Variants in RBMS3 observed in about 807,000 individuals in gnomAD.
RBMS3 encodes RNA-binding motif, single-stranded-interacting protein 3.
A neutral mutation model predicts 66.8 loss-of-function variants in RBMS3; 27 were observed. The observed-to-expected ratio is 0.40, with a 90% CI of 0.30 to 0.56. The LOEUF (loss-of-function observed/expected upper bound fraction) is 0.56. Ranked by LOEUF, RBMS3 falls within the 20% of genes least tolerant of loss-of-function variation. RBMS3 has a pLI of 0.40. For synonymous variants in RBMS3, 188 were observed against 183.0 expected (o/e 1.03, Z -0.22); for missense variants, 513 against 549.5 (o/e 0.93, Z 0.66).
chr3:29,355,483 CT>C (rs77047582), intron 1 of RBMS3, among the ~76,000 whole-genome samples: 11,306 of 151,736 alleles, frequency 0.075, 503 homozygotes, highest in African/African-American at 0.12. Flanking sequence ...TTTTTAATAT[CT>C]TTGGAACTTC....
intron 1 of RBMS3, among the ~76,000 whole-genome samples, chr3:29,319,050 G>A (rs186668010): frequency 1.7e-3 from 252 of 152,060 alleles, no homozygotes; most frequent in African/African-American, 5.4e-3. Flanking sequence ...ATACTTCAGC[G>A]TGGCTTCAGC....
At chr3:29,644,197 C>T (rs1481815149) in intron 4 of RBMS3, among the ~76,000 whole-genome samples, 2 of 152,060 alleles carry the variant, frequency 1.3e-5, no homozygotes, top group Non-Finnish European at 2.9e-5. Flanking sequence ...CAAATAGCCT[C>T]TAGCAATCAC....
Position 29,844,823 on chromosome 3 carries a change from T to A in RBMS3, c.638-24035T>A, listed in dbSNP as rs577651903. Among the ~76,000 whole-genome samples the A allele has an allele frequency of 2.8e-4, 43 of 152,372 alleles. 1 individual carries two copies. Among genetic ancestry groups the A allele is most frequent in the African/African-American group, 1.0e-3 (42 of 41,596 alleles). On this transcript the variant is annotated intron_variant, in intron 6 of 14. Transcript: ENST00000383767. ...GGTATTGTATCTGCATTAGTCTAAA[T>A]AAGATAGATCATATTGTGGTAATAA...
At chr3:29,618,234 C>A (rs554564465) in intron 4 of RBMS3, among the ~76,000 whole-genome samples, 17 of 152,214 alleles carry the variant, frequency 1.1e-4, no homozygotes, top group Non-Finnish European at 2.1e-4. Context: ...ATGGCTCAAG[C>A]CTGTAATCCT....
intron 7 of RBMS3, among the ~76,000 whole-genome samples, chr3:29,879,760 C>G (rs1203596554): frequency 6.6e-6 from 1 of 151,700 alleles, no homozygotes; most frequent in Non-Finnish European, 1.5e-5. Context: ...TTTTTGATCC[C>G]CATTTATCTT....
intron 12 of RBMS3, among the ~76,000 whole-genome samples, chr3:29,974,928 G>A (rs1291557178): frequency 2.3e-4 from 29 of 124,814 alleles, no homozygotes; most frequent in Admixed American, 7.7e-4. Context: ...TATAAAATAC[G>A]TTTCTATATT....
chr3:29,358,753 G>T lies in RBMS3; in HGVS notation c.76-75990G>T, dbSNP rs529633868. 2.6e-5 allele frequency among the ~76,000 whole-genome samples: 4 copies of T among 152,186 alleles called. No homozygotes were observed. The East Asian group carries it at 7.7e-4, about 29-fold the overall frequency. On this transcript the variant is annotated intron_variant, in intron 1 of 14. Coordinates refer to ENST00000383767, the MANE Select transcript of RBMS3 (RefSeq NM_001003793.3). ...GTGGTTTGTAGTTCTCCTTGAAGAGGTCCTTCACATCCCTTGTAAGTTGGA... is the reference window on the plus strand; with the variant it reads ...GTGGTTTGTAGTTCTCCTTGAAGAGTTCCTTCACATCCCTTGTAAGTTGGA...
At chr3:29,853,659 C>T (rs1401707294) in intron 6 of RBMS3, among the ~76,000 whole-genome samples, 1 of 152,008 alleles carries the variant, frequency 6.6e-6, no homozygotes, top group African/African-American at 2.4e-5. Flanking sequence ...CCTGATTGGT[C>T]GGGTGTAAGC....
chr3:29,611,221 T>C (rs2048481449), intron 4 of RBMS3, among the ~76,000 whole-genome samples: 1 of 152,036 alleles, frequency 6.6e-6, no homozygotes, highest in African/African-American at 2.4e-5. Flanking sequence ...GAAATGGAAA[T>C]TGTCAGGGCA....
chr3:29,772,329 C>T (rs531178433), intron 6 of RBMS3, among the ~76,000 whole-genome samples: 2 of 152,068 alleles, frequency 1.3e-5, no homozygotes, highest in African/African-American at 2.4e-5. Flanking sequence ...CTAGCAACAA[C>T]GGAAAGCTAA....
Position 30,007,271 on chromosome 3 carries a change from TTTGA to T in RBMS3, c.*3410_*3413del, listed in dbSNP as rs1699826952. 1 of 152,142 alleles carries T rather than the reference TTTGA, an allele frequency of 6.6e-6. No individual in the cohort carries two copies. Among genetic ancestry groups the T allele is most frequent in the Admixed American group, 6.5e-5 (1 of 15,268 alleles). 9.4% of individuals were successfully genotyped at this position (152,142 alleles called of 1,614,324 possible). ...TTGTAGTGATTTGTTTGTTTGTTTG[TTTGA>T]GACGGAGTCTCGCTCTGTCGCCCAT... is the stretch of plus-strand genomic sequence containing the variant. On this transcript the variant is annotated 3_prime_UTR_variant, in exon 15 of 15. Transcript: ENST00000383767.
intron 2 of RBMS3, among the ~76,000 whole-genome samples, chr3:29,470,022 G>A (rs1016756380): frequency 6.8e-6 from 1 of 146,206 alleles, no homozygotes. Context: ...GTAATTCAAT[G>A]ATTAAAATAT....
chr3:29,767,480 TA>T (rs2055986363), intron 6 of RBMS3: 1 of 152,010 alleles, frequency 6.6e-6, no homozygotes, highest in African/African-American at 2.4e-5. Context: ...ATGGGATCTT[TA>T]AAAATTTAAC....
intron 1 of RBMS3, among the ~76,000 whole-genome samples, chr3:29,380,292 T>C (rs1218903845): frequency 6.6e-6 from 1 of 151,970 alleles, no homozygotes; most frequent in Non-Finnish European, 1.5e-5. Flanking sequence ...TTCTTAAAAA[T>C]ATCCTGTAAT....
intron 6 of RBMS3, among the ~76,000 whole-genome samples, chr3:29,807,948 A>G (rs955605620): frequency 6.6e-6 from 1 of 151,850 alleles, no homozygotes; most frequent in Non-Finnish European, 1.5e-5. Context: ...GTCTTTGTAT[A>G]TGCAAAACCA....
At chr3:29,428,588 A>C (rs561089466) in intron 1 of RBMS3, among the ~76,000 whole-genome samples, 1 of 148,530 alleles carries the variant, frequency 6.7e-6, no homozygotes, top group Non-Finnish European at 1.5e-5. Flanking sequence ...AAAAAAAAAA[A>C]GAAGAAAACA....
At chr3:29,584,693 T>G (rs543859314) in intron 3 of RBMS3, among the ~76,000 whole-genome samples, 2 of 152,272 alleles carry the variant, frequency 1.3e-5, no homozygotes, top group South Asian at 4.1e-4. Flanking sequence ...TCCTTGTCTA[T>G]GTCTTTATGT....
At position 29,847,981 on chromosome 3, in the gene RBMS3, G is replaced by A. The variant is rs567942688; in HGVS notation, c.638-20877G>A. 1.7e-4 allele frequency among the ~76,000 whole-genome samples: 26 copies of A among 152,282 alleles called. 1 individual carries two copies. In the South Asian group the frequency reaches 5.4e-3, roughly 32 times the overall value. On this transcript the variant is annotated intron_variant, in intron 6 of 14. Transcript: ENST00000383767. Reference sequence around the variant, plus strand: ...GAAACACTGTGAACCTATACAAGGGGATGTGGTCTTTCCCCTTTGTATTTT... The same window carrying A: ...GAAACACTGTGAACCTATACAAGGGAATGTGGTCTTTCCCCTTTGTATTTT...
intron 4 of RBMS3, among the ~76,000 whole-genome samples, chr3:29,731,474 G>T (rs1296948049): frequency 6.6e-6 from 1 of 152,074 alleles, no homozygotes; most frequent in Admixed American, 6.6e-5. Context: ...AAATATAGAG[G>T]CACCTTCACT....
Sources: gnomAD v4.1 joint callset for allele counts (sites outside exome capture counted in the v4.1 genomes callset) on GRCh38, gnomAD v4.1.1 for gene constraint, MANE v1.5 for transcripts, NCBI Gene and HGNC (gene_info 2026-07-23, HGNC 2026-07-21) for gene names.